The following LRRC3 variants were observed in gnomAD, a reference collection of about 807,000 sequenced individuals.
LRRC3 encodes leucine-rich repeat-containing protein 3.
For synonymous variants in LRRC3, 172 were observed against 164.1 expected (o/e 1.05, Z -0.37); for missense variants, 351 against 361.6 (o/e 0.97, Z 0.24).
In LRRC3 at chr21:44,455,654, AG is replaced by A. The variant is rs940640408; in HGVS notation, c.-148+1del. 4.0e-5 allele frequency: 6 copies of A among 151,394 alleles called. No homozygotes were observed. Among genetic ancestry groups the A allele is most frequent in the African/African-American group, 1.2e-4 (5 of 41,204 alleles). The allele number at this position is 151,394 out of a possible 1,614,324, so 9.4% of individuals were successfully genotyped here. A position where few individuals can be genotyped will look rare whatever the true frequency, so the allele number is the denominator to read the frequency against. On this transcript the variant is annotated splice_region_variant and 5_prime_UTR_variant, in exon 1 of 2. Coordinates refer to ENST00000291592, the MANE Select transcript of LRRC3 (RefSeq NM_030891.6). ...GAGCAGCCTCCGGCCGCCGCCGCGC[AG>A]GTAAAGCCCCCGCCCAGCCCTGGGA...
Position 44,457,191 on chromosome 21 carries a change from A to T in LRRC3, c.547A>T (p.Lys183Ter). Residue 183 changes from lysine (K) to a stop codon, truncating the protein, a stop_gained, in exon 2 of 2, where the codon AAG (lysine) becomes TAG (stop). Coordinates refer to ENST00000291592, the MANE Select transcript of LRRC3 (RefSeq NM_030891.6). LOFTEE classifies it high-confidence loss of function. ...HTSVQEEFVG[K>*]PLVQALDAGA... ...CTCAGTGCAGGAGGAGTTTGTGGGG[A>T]AGCCTCTGGTTCAGGCTCTGGATGC... 2 of 1,613,880 alleles carry T rather than the reference A, an allele frequency of 1.2e-6. No individual in the cohort carries two copies. Among genetic ancestry groups the T allele is most frequent in the Non-Finnish European group, 1.7e-6 (2 of 1,180,020 alleles).
chr21:44,455,543 C>T lies in LRRC3; in HGVS notation c.-260C>T, dbSNP rs1324730140. On this transcript the variant is annotated 5_prime_UTR_variant, in exon 1 of 2. Transcript: ENST00000291592. ...GGCCTCCCCAGCTAGTGGTCGCGGG[C>T]GCGGTCGCAGGGGCAGCGGGGTGGC... The T allele has an allele frequency of 3.3e-5, 5 of 151,570 alleles. No homozygotes were observed. The East Asian group carries it at 9.8e-4, about 30-fold the overall frequency. The allele number at this position is 151,570 out of a possible 1,614,324, so 9.4% of individuals were successfully genotyped here. A position where few individuals can be genotyped will look rare whatever the true frequency, so the allele number is the denominator to read the frequency against.
In LRRC3 at chr21:44,457,227, C is replaced by T. The variant is rs753192745; in HGVS notation, c.583C>T (p.Leu195Phe). Reference sequence around the variant, plus strand: ...TCAGGCTCTGGATGCGGGTGCCAGCCTCTGCAGCGTCCCCCACAGGACCAC... The same window carrying T: ...TCAGGCTCTGGATGCGGGTGCCAGCTTCTGCAGCGTCCCCCACAGGACCAC... ...LVQALDAGAS[L>F]CSVPHRTTDV... The change falls in exon 2 of 2, where the codon CTC (leucine) becomes TTC (phenylalanine). Residue 195 changes from leucine to phenylalanine, a missense_variant. Physicochemically the swap from Leu to Phe is conservative, Grantham distance 22 (BLOSUM62 0). Transcript: ENST00000291592. The T allele has an allele frequency of 1.9e-6, 3 of 1,614,026 alleles. No homozygotes were observed. Among genetic ancestry groups the T allele is most frequent in the Middle Eastern group, 1.6e-4 (1 of 6,062 alleles).
chr21:44,457,031 C>A lies in LRRC3; in HGVS notation c.387C>A (p.Pro129=), dbSNP rs751852708. 6.2e-7 allele frequency: 1 copy of A among 1,605,890 alleles called. No homozygotes were observed. The highest frequency in any genetic ancestry group is 8.5e-7 in the Non-Finnish European group (1 of 1,179,232). The change falls in exon 2 of 2, where the codon CCC becomes CCA. Residue 129 remains proline, a synonymous_variant. Transcript: ENST00000291592. ...CTTACAACCGCATCCAGAGGATCCC[C>A]AAGGACGCCCTGGGCAAACTCAGCG... ...DLSYNRIQRI[P]KDALGKLSAK... is the part of the protein sequence containing the mutation.
In LRRC3 at chr21:44,461,904, A is replaced by C. The variant is rs2051749450; in HGVS notation, c.*4486A>C. On this transcript the variant is annotated 3_prime_UTR_variant, in exon 2 of 2. Coordinates refer to ENST00000291592, the MANE Select transcript of LRRC3 (RefSeq NM_030891.6). ...GCGCGGAGTCCTGGACGCTCTTGGC[A>C]GGTCCCCTCATGGAGGATGTGGGGG... 6.6e-6 allele frequency: 1 copy of C among 152,500 alleles called. No homozygotes were observed. Among genetic ancestry groups the C allele is most frequent in the Non-Finnish European group, 1.5e-5 (1 of 68,272 alleles). 9.4% of individuals were successfully genotyped at this position (152,500 alleles called of 1,614,324 possible).
Position 44,456,904 on chromosome 21 carries a change from T to C in LRRC3, c.260T>C (p.Leu87Pro). The change falls in exon 2 of 2, where the codon CTG (leucine) becomes CCG (proline). Residue 87 changes from leucine (L) to proline (P), a missense_variant. By Grantham distance (98) the Leu-to-Pro change is moderately conservative. Coordinates refer to ENST00000291592, the MANE Select transcript of LRRC3 (RefSeq NM_030891.6). The part of the protein sequence containing the change: ...SHLPDGAFQH[L>P]HRLRELDLSH... ...CTCCCGGACGGGGCCTTCCAGCACC[T>C]GCACCGGCTCAGGGAGCTGGATCTG... The C allele has an allele frequency of 6.2e-7, 1 of 1,611,022 alleles. No homozygotes were observed. The highest frequency in any genetic ancestry group is 8.5e-7 in the Non-Finnish European group (1 of 1,179,150).
rs2051726853 is a variant in LRRC3, at chr21:44,459,147, A to G, written c.*1729A>G. ...TCGGAGGACAGAGACCTCCACGGAA[A>G]CTGGCAGCGCCACTCACCCTTCCAG... On this transcript the variant is annotated 3_prime_UTR_variant, in exon 2 of 2. Coordinates refer to ENST00000291592, the MANE Select transcript of LRRC3 (RefSeq NM_030891.6). 2 of 152,246 alleles carry G rather than the reference A, an allele frequency of 1.3e-5. No individual in the cohort carries two copies. The highest frequency in any genetic ancestry group is 1.3e-4 in the Admixed American group (2 of 15,284). The allele number at this position is 152,246 out of a possible 1,614,324, so 9.4% of individuals were successfully genotyped here.
chr21:44,456,719 C>T lies in LRRC3; in HGVS notation c.75C>T (p.Phe25=), dbSNP rs868195717. The T allele has an allele frequency of 6.2e-7, 1 of 1,609,700 alleles. No individual in the cohort carries two copies. The change falls in exon 2 of 2, where the codon TTC becomes TTT. Residue 25 remains phenylalanine (F), a synonymous_variant. Coordinates refer to ENST00000291592, the MANE Select transcript of LRRC3 (RefSeq NM_030891.6). ...STRESCLFLL[F]CLHLGAACPQ... ...GGGAGTCTTGTCTCTTCCTCCTCTT[C>T]TGCCTGCACCTGGGCGCCGCCTGCC...
Position 44,461,080 on chromosome 21 carries a change from G to C in LRRC3, c.*3662G>C, listed in dbSNP as rs1327641289. On this transcript the variant is annotated 3_prime_UTR_variant, in exon 2 of 2. Transcript: ENST00000291592. ...CCAGAGGCTTCCTTGTGCGGGGTGG[G>C]GTCCAGCAGTGGGGGATGGGCCCAG... 6.6e-6 allele frequency: 1 copy of C among 152,456 alleles called. No homozygotes were observed. The highest frequency in any genetic ancestry group is 1.5e-5 in the Non-Finnish European group (1 of 68,228). The allele number at this position is 152,456 out of a possible 1,614,324, so 9.4% of individuals were successfully genotyped here. A position where few individuals can be genotyped will look rare whatever the true frequency, so the allele number is the denominator to read the frequency against.
Position 44,460,721 on chromosome 21 carries a change from T to C in LRRC3, c.*3303T>C, listed in dbSNP as rs2051739205. The C allele has an allele frequency of 6.6e-6, 1 of 152,156 alleles. No homozygotes were observed. Among genetic ancestry groups the C allele is most frequent in the African/African-American group, 2.4e-5 (1 of 41,406 alleles). The allele number at this position is 152,156 out of a possible 1,614,324, so 9.4% of individuals were successfully genotyped here. ...ACCCCGGGAACCTACCTGGGCATCA[T>C]GGGAGGCAGAGCCTGAACCCCAACC... On this transcript the variant is annotated 3_prime_UTR_variant, in exon 2 of 2. Transcript: ENST00000291592.
In LRRC3 at chr21:44,456,767, C is replaced by G. The variant is rs1248464770; in HGVS notation, c.123C>G (p.Asp41Glu). ...GCCCACAGCCCTGCCGGTGCCCTGACCACGCAGGGGCTGTGGCTGTCTTCT... is the reference window on the plus strand; with the variant it reads ...GCCCACAGCCCTGCCGGTGCCCTGAGCACGCAGGGGCTGTGGCTGTCTTCT... The part of the protein sequence containing the change: ...AACPQPCRCP[D>E]HAGAVAVFCS... The change falls in exon 2 of 2, where the codon GAC becomes GAG. Residue 41 changes from aspartate to glutamate, a missense_variant. Asp to Glu is a conservative substitution (Grantham distance 45). Transcript: ENST00000291592. 6.2e-7 allele frequency: 1 copy of G among 1,610,904 alleles called. No individual in the cohort carries two copies. Among genetic ancestry groups the G allele is most frequent in the South Asian group, 1.1e-5 (1 of 91,072 alleles).
chr21:44,459,199 C>A lies in LRRC3; in HGVS notation c.*1781C>A, dbSNP rs187792701. 6.6e-6 allele frequency: 1 copy of A among 152,384 alleles called. No individual in the cohort carries two copies. The highest frequency in any genetic ancestry group is 1.5e-5 in the Non-Finnish European group (1 of 68,048). The allele number at this position is 152,384 out of a possible 1,614,324, so 9.4% of individuals were successfully genotyped here. ...GAGAGCTAGAACCAAGTGCCAGCCC[C>A]CGGGGGTGCACCCGTGCTGGTGTGG... is the stretch of plus-strand genomic sequence containing the variant. On this transcript the variant is annotated 3_prime_UTR_variant, in exon 2 of 2. Transcript: ENST00000291592.
In LRRC3 at chr21:44,456,929, G is replaced by T. The variant is rs1027042100; in HGVS notation, c.285G>T (p.Leu95=). 49 of 1,610,742 alleles carry T rather than the reference G, an allele frequency of 3.0e-5. No homozygotes were observed. The highest frequency in any genetic ancestry group is 4.1e-5 in the Non-Finnish European group (48 of 1,179,868). Residue 95 remains leucine, a synonymous_variant, in exon 2 of 2, where the codon CTG becomes CTT. Coordinates refer to ENST00000291592, the MANE Select transcript of LRRC3 (RefSeq NM_030891.6). ...TGCACCGGCTCAGGGAGCTGGATCT[G>T]TCTCACAACGCCATCGAGGCCATCG... is the stretch of plus-strand genomic sequence containing the variant. ...QHLHRLRELD[L]SHNAIEAIGS...
chr21:44,457,539 A>C lies in LRRC3; in HGVS notation c.*121A>C. ...AGCCATGTGTGCTCCCCACTGTTGCACTCAGGCACAGCAGCACCTCCAGGC... is the reference window on the plus strand; with the variant it reads ...AGCCATGTGTGCTCCCCACTGTTGCCCTCAGGCACAGCAGCACCTCCAGGC... On this transcript the variant is annotated 3_prime_UTR_variant, in exon 2 of 2. Coordinates refer to ENST00000291592, the MANE Select transcript of LRRC3 (RefSeq NM_030891.6). The C allele has an allele frequency of 1.7e-6, 2 of 1,146,470 alleles. No individual in the cohort carries two copies. The highest frequency in any genetic ancestry group is 3.2e-5 in the South Asian group (2 of 61,706). 71.0% of individuals were successfully genotyped at this position (1,146,470 alleles called of 1,614,324 possible).
chr21:44,462,133 G>A lies in LRRC3; in HGVS notation c.*4715G>A, dbSNP rs2051750907. The A allele has an allele frequency of 1.3e-5, 2 of 152,466 alleles. No individual in the cohort carries two copies. The highest frequency in any genetic ancestry group is 1.3e-4 in the Admixed American group (2 of 15,312). 9.4% of individuals were successfully genotyped at this position (152,466 alleles called of 1,614,324 possible). A position where few individuals can be genotyped will look rare whatever the true frequency, so the allele number is the denominator to read the frequency against. On this transcript the variant is annotated 3_prime_UTR_variant, in exon 2 of 2. Transcript: ENST00000291592. The surrounding 1 kb of genome is among the most constrained non-coding windows in gnomAD (Gnocchi z 4.2). ...TGCTGCTGGCCCAGCCTGTGCCGGT[G>A]TCTGTTTCTGTTGTCTCTCGGCCCT... is the stretch of plus-strand genomic sequence containing the variant.
In LRRC3 at chr21:44,457,156, C is replaced by T. The variant is rs2051710973; in HGVS notation, c.512C>T (p.Ala171Val). 2 of 1,613,412 alleles carry T rather than the reference C, an allele frequency of 1.2e-6. No individual in the cohort carries two copies. The highest frequency in any genetic ancestry group is 2.7e-5 in the African/African-American group (2 of 74,948). ...KLDPDSVDEI[A>V]CHTSVQEEFV... is the part of the protein sequence containing the mutation. ...GACCCCGACTCTGTGGACGAGATCGCCTGCCACACCTCAGTGCAGGAGGAG... is the reference window on the plus strand; with the variant it reads ...GACCCCGACTCTGTGGACGAGATCGTCTGCCACACCTCAGTGCAGGAGGAG... Residue 171 changes from alanine (A) to valine (V), a missense_variant, in exon 2 of 2, where the codon GCC becomes GTC. Physicochemically the swap from Ala to Val is moderately conservative, Grantham distance 64 (BLOSUM62 0). Coordinates refer to ENST00000291592, the MANE Select transcript of LRRC3 (RefSeq NM_030891.6).
At position 44,457,410 on chromosome 21, in the gene LRRC3, G is replaced by A; in HGVS notation, c.766G>A (p.Gly256Arg). ...CGCCTCCAAGGACCCCATCGGCCCG[G>A]GGCCCTAGCGCCTGTTCCGGCAGAC... Reference protein sequence around the residue: ...APASKDPIGPGP With the variant: ...APASKDPIGPRP The change falls in exon 2 of 2, where the codon GGG becomes AGG. Residue 256 changes from glycine (G) to arginine (R), a missense_variant. Transcript: ENST00000291592. 6.3e-7 allele frequency: 1 copy of A among 1,581,294 alleles called. No individual in the cohort carries two copies. Among genetic ancestry groups the A allele is most frequent in the Non-Finnish European group, 8.6e-7 (1 of 1,159,072 alleles).
At position 44,457,529 on chromosome 21, in the gene LRRC3, C is replaced by A; in HGVS notation, c.*111C>A. On this transcript the variant is annotated 3_prime_UTR_variant, in exon 2 of 2. Transcript: ENST00000291592. ...CAGGTGTCACAGCCATGTGTGCTCC[C>A]CACTGTTGCACTCAGGCACAGCAGC... The A allele has an allele frequency of 8.0e-7, 1 of 1,254,022 alleles. No homozygotes were observed. The highest frequency in any genetic ancestry group is 1.1e-6 in the Non-Finnish European group (1 of 916,212). The allele number at this position is 1,254,022 out of a possible 1,614,324, so 77.7% of individuals were successfully genotyped here.
In LRRC3 at chr21:44,457,280, C is replaced by T. The variant is rs372841556; in HGVS notation, c.636C>T (p.Phe212=). Residue 212 remains phenylalanine, a synonymous_variant, in exon 2 of 2, where the codon TTC becomes TTT. Coordinates refer to ENST00000291592, the MANE Select transcript of LRRC3 (RefSeq NM_030891.6). ...ACGTGGCCATGCTGGTCACCATGTT[C>T]GGCTGGTTCGCCATGGTGATCGCCT... ...TTDVAMLVTM[F]GWFAMVIAYV... 30 of 1,613,824 alleles carry T rather than the reference C, an allele frequency of 1.9e-5. No homozygotes were observed. The highest frequency in any genetic ancestry group is 5.0e-5 in the Admixed American group (3 of 60,034).
Sources: gnomAD v4.1 joint callset for allele counts on GRCh38, gnomAD v4.1.1 for gene constraint, Gnocchi (gnomAD v3.1) non-coding constraint, MANE v1.5 for transcripts, NCBI Gene and HGNC (gene_info 2026-07-23, HGNC 2026-07-21) for gene names.